The following PCDH7 variants were observed in gnomAD, a reference collection of about 807,000 sequenced individuals.
PCDH7 encodes protocadherin 7.
PCDH7 carries 17 observed loss-of-function variants against 58.9 expected under a neutral mutation model. The ratio of observed to expected loss-of-function variants is 0.29; its 90% CI spans 0.20 to 0.43. The LOEUF is 0.43. Ranked by LOEUF, PCDH7 falls within the 20% of genes least tolerant of loss-of-function variation. The pLI is 1.00. For synonymous variants in PCDH7, 664 were observed against 616.4 expected (o/e 1.08, Z -1.14); for missense variants, 1,274 against 1,441.0 (o/e 0.88, Z 1.88).
Position 30,790,372 on chromosome 4 carries a change from CA to C in PCDH7, c.70+65777del, listed in dbSNP as rs1362560986. Among the ~76,000 whole-genome samples, 77 of 152,254 alleles carry C rather than the reference CA, an allele frequency of 5.1e-4. 1 individual carries two copies. The highest frequency in any genetic ancestry group is 4.6e-3 in the Admixed American group (70 of 15,282). On this transcript the variant is annotated intron_variant, in intron 1 of 3. Coordinates refer to the PCDH7 transcript ENST00000509759. ...GTAACTAGTAAAGCTACAGAACTAG[CA>C]GGAAGTGGAACTGGACTTTGAGTCC... is the stretch of plus-strand genomic sequence containing the variant.
At chr4:30,832,648 C>T (rs1322370716) in intron 1 of PCDH7, among the ~76,000 whole-genome samples, 1 of 151,962 alleles carries the variant, frequency 6.6e-6, no homozygotes, top group Non-Finnish European at 1.5e-5. Flanking sequence ...ACTTGTGCTC[C>T]TGCATGTGCA....
intron 1 of PCDH7, among the ~76,000 whole-genome samples, chr4:30,780,724 G>A (rs570140173): frequency 6.6e-5 from 10 of 152,198 alleles, no homozygotes; most frequent in African/African-American, 2.2e-4. Context: ...TAATTTGTCT[G>A]TGTACGTCTA....
intron 3 of PCDH7, among the ~76,000 whole-genome samples, chr4:30,959,420 A>C (rs1045866091): frequency 6.6e-6 from 1 of 152,164 alleles, no homozygotes; most frequent in Non-Finnish European, 1.5e-5. Context: ...GTCTTGTTGG[A>C]TGAATTATAT....
At chr4:31,140,237 C>T (rs1278370325) in intron 3 of PCDH7, among the ~76,000 whole-genome samples, 2 of 151,952 alleles carry the variant, frequency 1.3e-5, no homozygotes, top group Non-Finnish European at 2.9e-5. Context: ...AACAGGAAAA[C>T]AAGTGCAATG....
intron 3 of PCDH7, among the ~76,000 whole-genome samples, chr4:30,972,067 C>A (rs1749636078): frequency 2.0e-5 from 3 of 152,128 alleles, no homozygotes; most frequent in Admixed American, 2.0e-4. Flanking sequence ...TTAGGGAGCA[C>A]CTAAGAAGCC....
chr4:30,869,968 T>C (rs1183222969), intron 1 of PCDH7, among the ~76,000 whole-genome samples: 1 of 152,194 alleles, frequency 6.6e-6, no homozygotes, highest in East Asian at 1.9e-4. Flanking sequence ...TTTTTAACGA[T>C]CGCCATTCTA....
At chr4:31,014,181 A>G (rs1487770039) in intron 3 of PCDH7, among the ~76,000 whole-genome samples, 1 of 152,054 alleles carries the variant, frequency 6.6e-6, no homozygotes, top group Non-Finnish European at 1.5e-5. Flanking sequence ...ATTATACAGC[A>G]AAAATCTACC....
chr4:30,894,407 TTGGAAAGTGG>T (rs1353632047), intron 1 of PCDH7, among the ~76,000 whole-genome samples: 1 of 141,156 alleles, frequency 7.1e-6, no homozygotes, highest in East Asian at 2.2e-4. Flanking sequence ...GCTCAGTTGA[TTGGAAAGTGG>T]TATTGATGAG....
intron 3 of PCDH7, among the ~76,000 whole-genome samples, chr4:31,026,478 T>C (rs1025145274): frequency 6.6e-6 from 1 of 152,218 alleles, no homozygotes; most frequent in African/African-American, 2.4e-5. Context: ...ATGAACATAT[T>C]ATGGAGCTGA....
intron 3 of PCDH7, among the ~76,000 whole-genome samples, chr4:31,121,663 A>G (rs1717708449): frequency 6.6e-6 from 1 of 152,258 alleles, no homozygotes; most frequent in East Asian, 1.9e-4. Context: ...CCAATGTCCA[A>G]ATAAGAACAA....
At chr4:30,992,609 C>T (rs1751545554) in intron 3 of PCDH7, among the ~76,000 whole-genome samples, 1 of 151,892 alleles carries the variant, frequency 6.6e-6, no homozygotes, top group South Asian at 2.1e-4. Context: ...GGGAATAGAC[C>T]TCGTAAATCA....
intron 1 of PCDH7, among the ~76,000 whole-genome samples, chr4:30,854,003 A>G (rs1733123777): frequency 6.6e-6 from 1 of 152,050 alleles, no homozygotes. Flanking sequence ...AGTAAATACC[A>G]GTTCTACGCA....
At chr4:31,125,748 T>TCAACTG (rs1718225480) in intron 3 of PCDH7, among the ~76,000 whole-genome samples, 1 of 152,228 alleles carries the variant, frequency 6.6e-6, no homozygotes, top group Non-Finnish European at 1.5e-5. Context: ...ATGAGTTTGC[T>TCAACTG]CAACTGCAGG....
At chr4:31,083,657 A>G (rs1395767918) in intron 3 of PCDH7, among the ~76,000 whole-genome samples, 2 of 152,234 alleles carry the variant, frequency 1.3e-5, no homozygotes, top group Non-Finnish European at 2.9e-5. Context: ...AGGATTAAGA[A>G]GAGAGACTGC....
rs182907747 is a variant in PCDH7, at chr4:30,897,968, A to G, written c.71-22185A>G. Reference sequence around the variant, plus strand: ...TGTAATGGTCTGCTTTACTGATCCAACTCCAGAGTTCACTGGAAATGTTTT... The same window carrying G: ...TGTAATGGTCTGCTTTACTGATCCAGCTCCAGAGTTCACTGGAAATGTTTT... On this transcript the variant is annotated intron_variant, in intron 1 of 3. Coordinates refer to the PCDH7 transcript ENST00000509759. Among the ~76,000 whole-genome samples, 12 of 152,282 alleles carry G rather than the reference A, an allele frequency of 7.9e-5. No homozygotes were observed. The East Asian group carries it at 2.1e-3, about 27-fold the overall frequency.
intron 1 of PCDH7, among the ~76,000 whole-genome samples, chr4:30,729,021 G>A (rs1715066518): frequency 1.3e-5 from 2 of 151,694 alleles, no homozygotes; most frequent in Admixed American, 1.3e-4. Flanking sequence ...CTTAATGACT[G>A]TACATGAAAT....
At chr4:30,962,813 A>T (rs1748594828) in intron 3 of PCDH7, among the ~76,000 whole-genome samples, 1 of 148,504 alleles carries the variant, frequency 6.7e-6, no homozygotes, top group Non-Finnish European at 1.5e-5. Flanking sequence ...AAACAGTGGT[A>T]ATTCTATATA....
intron 1 of PCDH7, among the ~76,000 whole-genome samples, chr4:30,842,250 C>T (rs1731309409): frequency 6.6e-6 from 1 of 151,948 alleles, no homozygotes; most frequent in African/African-American, 2.4e-5. Context: ...GTTGGGCACC[C>T]AGAAATAACT....
rs1291290045 is a variant in PCDH7 at position 30,723,350 on chromosome 4, T to A, written c.1928T>A (p.Val643Asp). ...AATGACCCTAAGTTTATGCAGGACG[T>A]CTTCACCTTTTATGTGAAAGAAAAC... Residue 643 changes from valine (V) to aspartate (D), a missense_variant, in exon 1 of 2, where the codon GTC becomes GAC. By Grantham distance (152) the Val-to-Asp change is radical (BLOSUM62 -3). Transcript: ENST00000361762. This position sits in a 1 kb window ranked among gnomAD's most constrained non-coding sequence, Gnocchi z 4.6. 2 of 1,614,210 alleles carry A rather than the reference T, an allele frequency of 1.2e-6. No individual in the cohort carries two copies.
Sources: allele counts gnomAD v4.1 joint callset (sites outside exome capture counted in the v4.1 genomes callset), GRCh38; gene constraint gnomAD v4.1.1; non-coding constraint Gnocchi (gnomAD v3.1); transcripts MANE v1.5; gene names NCBI Gene and HGNC (gene_info 2026-07-23, HGNC 2026-07-21).